The following CAST variants were observed in gnomAD, a reference collection of about 807,000 sequenced individuals.
CAST encodes MIR583 host.
Under a neutral mutation model 119.6 loss-of-function variants are expected in CAST, and 76 were observed. The ratio of observed to expected loss-of-function variants is 0.64; its 90% CI spans 0.53 to 0.77. The LOEUF is 0.77. CAST is among the 30% of genes least tolerant of loss of function. The pLI is 0.00. For missense variants in CAST, 953 were observed against 946.5 expected, an observed-to-expected ratio of 1.01 and a Z score of -0.09; for synonymous variants, 319 against 331.6, an observed-to-expected ratio of 0.96 and a Z score of 0.41.
At chr5:96,531,631 A>G (rs979477842) in intron 1 of CAST, among the ~76,000 whole-genome samples, 1 of 152,190 alleles carries the variant, frequency 6.6e-6, no homozygotes, top group Non-Finnish European at 1.5e-5. Flanking sequence ...AGATCACAAG[A>G]TTTTTTTAAG....
the CAST span, chr5:96,432,251 C>A: frequency 1.2e-6 from 1 of 837,648 alleles, no homozygotes; most frequent in South Asian, 1.7e-5. Context: ...CCGTGTCTTT[C>A]ACCCACCATT....
the CAST span, among the ~76,000 whole-genome samples, chr5:96,206,357 C>T: frequency 4.6e-5 from 7 of 152,012 alleles, no homozygotes; most frequent in Non-Finnish European, 7.4e-5. Context: ...CTTCTGGCAT[C>T]TTCATCATAA....
chr5:96,551,062 G>A (rs1479762199), intron 1 of CAST, among the ~76,000 whole-genome samples: 1 of 152,076 alleles, frequency 6.6e-6, no homozygotes, highest in Non-Finnish European at 1.5e-5. Flanking sequence ...AGGAAATACA[G>A]AGAACACCAC....
At chr5:96,183,189 A>ATAATAATAATAATAG in the CAST span, among the ~76,000 whole-genome samples, 1 of 143,806 alleles carries the variant, frequency 7.0e-6, no homozygotes, top group South Asian at 2.2e-4. Context: ...AATAATAATA[A>ATAATAATAATAATAG]TAATAATACA....
chr5:95,999,567 C>T, the CAST span, among the ~76,000 whole-genome samples: 1 of 152,076 alleles, frequency 6.6e-6, no homozygotes, highest in Non-Finnish European at 1.5e-5. Flanking sequence ...TGGTCTCAAA[C>T]TCCTGATTTC....
the CAST span, among the ~76,000 whole-genome samples, chr5:96,237,176 G>T: frequency 6.6e-6 from 1 of 152,126 alleles, no homozygotes; most frequent in Non-Finnish European, 1.5e-5. Context: ...TCCACAGTGG[G>T]GTTTCATATC....
chr5:96,467,726 A>T, the CAST span, among the ~76,000 whole-genome samples: 1 of 151,746 alleles, frequency 6.6e-6, no homozygotes, highest in East Asian at 1.9e-4. Context: ...AAGTAAAAAA[A>T]AACAATAGCT....
chr5:96,588,192 CTTTCTTTTTTTTTTT>C (rs1746892337), intron 1 of CAST, among the ~76,000 whole-genome samples: 2 of 113,418 alleles, frequency 1.8e-5, no homozygotes, highest in African/African-American at 7.5e-5. Flanking sequence ...TTCTTTCTTT[CTTTCTTTTTTTTTTT>C]TTTTTTTTTT....
At chr5:96,446,807 G>T in the CAST span, among the ~76,000 whole-genome samples, 1 of 152,134 alleles carries the variant, frequency 6.6e-6, no homozygotes. Flanking sequence ...GATAAATGTT[G>T]CCTGGGCTAG....
the CAST span, among the ~76,000 whole-genome samples, chr5:96,363,435 A>G: frequency 1.3e-5 from 2 of 151,966 alleles, no homozygotes; most frequent in African/African-American, 4.8e-5. Context: ...CAGTATGGCC[A>G]TTTTCACGAT....
chr5:96,552,872 C>A (rs1580821158), intron 1 of CAST, among the ~76,000 whole-genome samples: 1 of 152,016 alleles, frequency 6.6e-6, no homozygotes, highest in Non-Finnish European at 1.5e-5. Context: ...AGAAGTTGAA[C>A]CTCTGAATAG....
Position 96,675,400 on chromosome 5 carries a change from G to A in CAST, c.76-139G>A, listed in dbSNP as rs1464414926. 9 of 617,524 alleles carry A rather than the reference G, an allele frequency of 1.5e-5. 1 individual carries two copies. The highest frequency in any genetic ancestry group is 5.6e-5 in the East Asian group (2 of 36,032). The allele number at this position is 617,524 out of a possible 1,614,324, so 38.3% of individuals were successfully genotyped here. ...ATTTTTGAGAGCCACCTATGTTGGT[G>A]TGAATTACCAGCATTCTCAGGAGGA... On this transcript the variant is annotated intron_variant, in intron 1 of 31. Transcript: ENST00000675179.
intron 24 of CAST, among the ~76,000 whole-genome samples, chr5:96,760,538 T>C (rs1186035930): frequency 2.0e-5 from 3 of 151,892 alleles, no homozygotes; most frequent in Admixed American, 6.5e-5. Context: ...CATGGAAGAA[T>C]CATTAACAAC....
the CAST span, among the ~76,000 whole-genome samples, chr5:95,975,924 G>C: frequency 1.3e-5 from 2 of 152,224 alleles, no homozygotes; most frequent in South Asian, 4.1e-4. Context: ...GCCAGGGGGA[G>C]TCAAATCTTG....
chr5:96,712,984 T>C (rs1756472601), intron 3 of CAST, among the ~76,000 whole-genome samples: 1 of 152,208 alleles, frequency 6.6e-6, no homozygotes, highest in Non-Finnish European at 1.5e-5. Flanking sequence ...TCTGTGGAGA[T>C]TGAGGCTTGC....
Position 96,620,850 on chromosome 5 carries a change from G to T in CAST, c.61-54689G>T, listed in dbSNP as rs1047864564. On this transcript the variant is annotated intron_variant, in intron 1 of 11. Coordinates refer to the CAST transcript ENST00000505143. ...TTTCTTCAAAGAAAAAGCGGAAACG[G>T]TATTTATAAAGCACATTGCCATTTA... Among the ~76,000 whole-genome samples, 7 of 152,254 alleles carry T rather than the reference G, an allele frequency of 4.6e-5. No individual in the cohort carries two copies. In the East Asian group the frequency reaches 1.3e-3, roughly 29 times the overall value.
chr5:96,432,134 A>T, the CAST span: 6 of 1,535,662 alleles, frequency 3.9e-6, no homozygotes, highest in Non-Finnish European at 5.2e-6. Context: ...TCAGTTCGGC[A>T]TCTCGACCCT....
At chr5:96,673,854 C>T (rs1224236820) in intron 1 of CAST, among the ~76,000 whole-genome samples, 1 of 152,002 alleles carries the variant, frequency 6.6e-6, no homozygotes, top group Non-Finnish European at 1.5e-5. Flanking sequence ...ACAAACAAAC[C>T]CTTGACTAGG....
chr5:96,490,171 C>T, the CAST span, among the ~76,000 whole-genome samples: 3 of 152,204 alleles, frequency 2.0e-5, no homozygotes, highest in African/African-American at 4.8e-5. Context: ...GTTCAAAATA[C>T]CTAACATCCT....
Sources: allele counts gnomAD v4.1 joint callset (sites outside exome capture counted in the v4.1 genomes callset), GRCh38; gene constraint gnomAD v4.1.1; transcripts MANE v1.5; gene names NCBI Gene and HGNC (gene_info 2026-07-23, HGNC 2026-07-21).